The following OR1B1 variants were observed in gnomAD, a reference collection of about 807,000 sequenced individuals.
OR1B1 encodes the protein olfactory receptor family 1 subfamily B member 1.
For missense variants in OR1B1, 414 were observed against 402.1 expected (o/e 1.03, Z -0.25); for synonymous variants, 168 against 156.2 (o/e 1.08, Z -0.57).
upstream of OR1B1, among the ~76,000 whole-genome samples, chr9:122,633,552 C>T (rs969996590): frequency 6.6e-6 from 1 of 152,066 alleles, no homozygotes; most frequent in African/African-American, 2.4e-5. Flanking sequence ...AACAATATAT[C>T]TGATAAGGGG....
the OR1B1 span, among the ~76,000 whole-genome samples, chr9:122,653,237 G>A: frequency 1.3e-5 from 2 of 152,164 alleles, no homozygotes; most frequent in African/African-American, 4.8e-5. Flanking sequence ...ACCATGCTAC[G>A]TATTAAATGC....
upstream of OR1B1, among the ~76,000 whole-genome samples, chr9:122,634,182 C>A (rs1030318341): frequency 6.6e-6 from 1 of 151,494 alleles, no homozygotes; most frequent in Non-Finnish European, 1.5e-5. Context: ...ACTGAAAGTA[C>A]AAAATTAGCC....
chr9:122,642,013 G>A, the OR1B1 span, among the ~76,000 whole-genome samples: 10 of 152,144 alleles, frequency 6.6e-5, no homozygotes, highest in African/African-American at 9.6e-5. Flanking sequence ...GAAGAAGGGC[G>A]TGCAGATGAT....
chr9:122,636,718 G>A, the OR1B1 span, among the ~76,000 whole-genome samples: 2 of 152,310 alleles, frequency 1.3e-5, no homozygotes, highest in Admixed American at 1.3e-4. Flanking sequence ...GTGGGTGCTC[G>A]TTAAACATTT....
At chr9:122,652,176 A>G in the OR1B1 span, among the ~76,000 whole-genome samples, 1 of 152,202 alleles carries the variant, frequency 6.6e-6, no homozygotes. Context: ...TTTTCCTATT[A>G]CTGATTCCAG....
the OR1B1 span, among the ~76,000 whole-genome samples, chr9:122,644,221 G>A: frequency 6.6e-6 from 1 of 152,150 alleles, no homozygotes. Context: ...GGCCAGTGGG[G>A]AGCTCACAGC....
upstream of OR1B1, chr9:122,629,589 G>T: frequency 9.0e-7 from 1 of 1,113,032 alleles, no homozygotes; most frequent in Non-Finnish European, 1.3e-6. Context: ...AAAGTCATGG[G>T]TCTGATGTTA....
At chr9:122,629,483 C>A (rs751041459) in exon 1 of OR1B1, 2 of 1,578,838 alleles carry the variant, frequency 1.3e-6, no homozygotes, top group Non-Finnish European at 1.7e-6. Flanking sequence ...TCTCGAGAAC[C>A]CAAGGAGCAA....
chr9:122,629,331 A>G (rs1199883241), exon 1 of OR1B1: 4 of 1,614,180 alleles, frequency 2.5e-6, no homozygotes. Flanking sequence ...TCTATCACAG[A>G]GAGGCCACGA....
At chr9:122,642,960 G>A in the OR1B1 span, among the ~76,000 whole-genome samples, 6,453 of 152,200 alleles carry the variant, frequency 0.042, 438 homozygotes, top group African/African-American at 0.15. Flanking sequence ...TATTTTACCT[G>A]AAGTGTCGGA....
At chr9:122,631,892 A>G (rs1830207765), upstream of OR1B1, among the ~76,000 whole-genome samples, 1 of 152,242 alleles carries the variant, frequency 6.6e-6, no homozygotes, top group Non-Finnish European at 1.5e-5. Context: ...AGTGCTTTCC[A>G]TGGGAATGCA....
the OR1B1 span, among the ~76,000 whole-genome samples, chr9:122,647,551 A>G: frequency 6.6e-6 from 1 of 152,228 alleles, no homozygotes; most frequent in East Asian, 1.9e-4. Flanking sequence ...AATAATAAAG[A>G]TAAGAGCAGA....
chr9:122,629,633 T>C, upstream of OR1B1: 1 of 778,134 alleles, frequency 1.3e-6, no homozygotes. Context: ...TTATATTACG[T>C]TACTAAAGAT....
upstream of OR1B1, among the ~76,000 whole-genome samples, chr9:122,631,972 CA>C (rs1424680270): frequency 1.3e-5 from 2 of 151,938 alleles, no homozygotes; most frequent in African/African-American, 4.8e-5. Context: ...CTAGAACTCT[CA>C]AAATAAAAAA....
At chr9:122,653,877 C>G in the OR1B1 span, among the ~76,000 whole-genome samples, 1 of 152,264 alleles carries the variant, frequency 6.6e-6, no homozygotes, top group Admixed American at 6.5e-5. Flanking sequence ...ACAATTCATG[C>G]ATTTATGCAT....
the OR1B1 span, among the ~76,000 whole-genome samples, chr9:122,635,671 A>G: frequency 1.3e-5 from 2 of 152,228 alleles, no homozygotes; most frequent in Admixed American, 6.5e-5. Context: ...GTCCAAGATT[A>G]AGTATATGAG....
downstream of OR1B1, chr9:122,628,494 C>T (rs4836903): frequency 0.078 from 64,995 of 836,334 alleles, 4,115 homozygotes; most frequent in East Asian, 0.28. Context: ...AGGCCCTCCA[C>T]CCCTCTGATC....
At chr9:122,652,130 T>G in the OR1B1 span, among the ~76,000 whole-genome samples, 4 of 152,228 alleles carry the variant, frequency 2.6e-5, no homozygotes, top group East Asian at 7.7e-4. Flanking sequence ...TAGAAATATT[T>G]TTCAATATCT....
chr9:122,651,007 AGAGC>A, the OR1B1 span, among the ~76,000 whole-genome samples: 2 of 152,084 alleles, frequency 1.3e-5, no homozygotes, highest in South Asian at 4.2e-4. Flanking sequence ...CCCAGGTGAC[AGAGC>A]GAGACGCCGT....
Sources: gnomAD v4.1 joint callset for allele counts (sites outside exome capture counted in the v4.1 genomes callset) on GRCh38, gnomAD v4.1.1 for gene constraint, MANE v1.5 for transcripts, NCBI Gene and HGNC (gene_info 2026-07-23, HGNC 2026-07-21) for gene names.